Variants in TMEM132D observed in about 807,000 individuals in gnomAD.
TMEM132D encodes transmembrane protein 132D, also known as mature OL transmembrane protein.
TMEM132D carries 21 observed loss-of-function variants against 62.3 expected under a neutral mutation model. The ratio of observed to expected loss-of-function variants is 0.34; its 90% CI spans 0.24 to 0.49. The LOEUF is 0.49. TMEM132D is among the 20% of genes least tolerant of loss of function. The probability of loss-of-function intolerance (pLI) is 0.99; values close to 1 mark genes in which losing one functional copy is unlikely to be tolerated. For synonymous variants in TMEM132D, 621 were observed against 575.6 expected (o/e 1.08, Z -1.13); for missense variants, 1,346 against 1,402.8 (o/e 0.96, Z 0.65).
At chr12:129,876,641 A>G (rs1362870030) in intron 1 of TMEM132D, among the ~76,000 whole-genome samples, 1 of 152,146 alleles carries the variant, frequency 6.6e-6, no homozygotes. Flanking sequence ...AGCCTCAACA[A>G]CGATATCATG....
intron 3 of TMEM132D, among the ~76,000 whole-genome samples, chr12:129,441,500 G>C (rs912196135): frequency 6.6e-6 from 1 of 152,174 alleles, no homozygotes; most frequent in South Asian, 2.1e-4. Context: ...GACTGTTTGC[G>C]GGAGCTGGAG....
intron 1 of TMEM132D, among the ~76,000 whole-genome samples, chr12:129,738,451 T>C (rs1232988250): frequency 2.0e-5 from 3 of 152,112 alleles, no homozygotes; most frequent in Non-Finnish European, 4.4e-5. Flanking sequence ...AGGCTGGTTG[T>C]GTGAATGCAA....
At chr12:129,421,155 G>A (rs1872310811) in intron 3 of TMEM132D, among the ~76,000 whole-genome samples, 1 of 151,960 alleles carries the variant, frequency 6.6e-6, no homozygotes, top group Non-Finnish European at 1.5e-5. Context: ...TAGAGATGGG[G>A]TTTCACCATG....
At chr12:129,735,758 A>G (rs1012931373) in intron 1 of TMEM132D, among the ~76,000 whole-genome samples, 1 of 152,242 alleles carries the variant, frequency 6.6e-6, no homozygotes, top group Non-Finnish European at 1.5e-5. Flanking sequence ...CTTTGAAAAC[A>G]AGGGGTGGTT....
In TMEM132D at chr12:129,390,650, A is replaced by T. The variant is rs1429786433; in HGVS notation, c.1116-52833T>A. 2.0e-5 allele frequency among the ~76,000 whole-genome samples: 3 copies of T among 151,934 alleles called. No homozygotes were observed. In the South Asian group the frequency reaches 6.2e-4, roughly 32 times the overall value. ...CCCTGGTCACCACAAGCCTGCGATT[A>T]CCTCCTATTTGCTGCTTCCAAAGGC... is the stretch of plus-strand genomic sequence containing the variant. On this transcript the variant is annotated intron_variant, in intron 3 of 8. Transcript: ENST00000422113.
chr12:129,225,965 C>G (rs1879470152), intron 4 of TMEM132D, among the ~76,000 whole-genome samples: 1 of 152,114 alleles, frequency 6.6e-6, no homozygotes, highest in Non-Finnish European at 1.5e-5. Context: ...TGAGCACAAG[C>G]CAACAACTCC....
chr12:129,184,267 A>G (rs1253608877), intron 5 of TMEM132D, among the ~76,000 whole-genome samples: 7 of 152,190 alleles, frequency 4.6e-5, no homozygotes, highest in African/African-American at 1.7e-4. Flanking sequence ...TCTCACTGTC[A>G]GAATTCTTTA....
At chr12:129,253,557 G>T (rs11060223) in intron 4 of TMEM132D, among the ~76,000 whole-genome samples, 50,590 of 152,126 alleles carry the variant, frequency 0.33, 10,009 homozygotes, top group Non-Finnish European at 0.45. Flanking sequence ...AACTGTGTCT[G>T]TCCACTGGGC....
At chr12:129,296,827 G>T (rs1881590109) in intron 4 of TMEM132D, among the ~76,000 whole-genome samples, 1 of 152,190 alleles carries the variant, frequency 6.6e-6, no homozygotes, top group South Asian at 2.1e-4. Flanking sequence ...AATCAAGGAG[G>T]CTGGTGTGAG....
chr12:129,478,116 A>G lies in TMEM132D; in HGVS notation c.1115+52943T>C, dbSNP rs1874324153. The stretch of plus-strand genomic sequence containing the variant: ...TGTCTATCTAAACATGTCTAAACAT[A>G]GAAAAGTTACAGTAAAAATATGGTA... On this transcript the variant is annotated intron_variant, in intron 3 of 8. Coordinates refer to ENST00000422113, the MANE Select transcript of TMEM132D (RefSeq NM_133448.3). Among the ~76,000 whole-genome samples, 4 of 152,342 alleles carry G rather than the reference A, an allele frequency of 2.6e-5. No homozygotes were observed. In the South Asian group the frequency reaches 8.3e-4, roughly 32 times the overall value.
rs906012196 is a variant in TMEM132D at position 129,867,375 on chromosome 12, C to T, written c.79+35886G>A. Among the ~76,000 whole-genome samples, 14 of 152,180 alleles carry T rather than the reference C, an allele frequency of 9.2e-5. No homozygotes were observed. The highest frequency in any genetic ancestry group is 3.1e-4 in the African/African-American group (13 of 41,458). ...CACAGAAACCACATGATCTCACTCACATGCAGAATCTAAAAAAGCTAAACT... is the reference window on the plus strand; with the variant it reads ...CACAGAAACCACATGATCTCACTCATATGCAGAATCTAAAAAAGCTAAACT... On this transcript the variant is annotated intron_variant, in intron 1 of 8. Transcript: ENST00000422113. The surrounding 1 kb of genome is among the most constrained non-coding windows in gnomAD (Gnocchi z 4.5).
At chr12:129,268,570 C>T (rs767347758) in intron 4 of TMEM132D, among the ~76,000 whole-genome samples, 15 of 152,216 alleles carry the variant, frequency 9.9e-5, no homozygotes, top group Admixed American at 2.0e-4. Flanking sequence ...AATAGGAACA[C>T]TGTTACACTG....
In TMEM132D at chr12:129,361,973, T is replaced by A. The variant is rs182157468; in HGVS notation, c.1116-24156A>T. Among the ~76,000 whole-genome samples the A allele has an allele frequency of 2.1e-3, 315 of 152,316 alleles. 2 individuals carry two copies. Among genetic ancestry groups the A allele is most frequent in the African/African-American group, 7.0e-3 (292 of 41,566 alleles). On this transcript the variant is annotated intron_variant, in intron 3 of 8. Coordinates refer to ENST00000422113, the MANE Select transcript of TMEM132D (RefSeq NM_133448.3). ...TTACTTTTTCAAAATCAATCAAAATTGAAGGAGCATTCACGATCTTGTTTA... is the reference window on the plus strand; with the variant it reads ...TTACTTTTTCAAAATCAATCAAAATAGAAGGAGCATTCACGATCTTGTTTA...
intron 2 of TMEM132D, among the ~76,000 whole-genome samples, chr12:129,613,563 G>T (rs1011832351): frequency 2.0e-5 from 3 of 152,250 alleles, no homozygotes; most frequent in Non-Finnish European, 2.9e-5. Context: ...CATGACCCCA[G>T]TTTAAACTAT....
At chr12:129,504,003 C>CATG (rs1875250043) in intron 3 of TMEM132D, among the ~76,000 whole-genome samples, 1 of 151,492 alleles carries the variant, frequency 6.6e-6, no homozygotes, top group Non-Finnish European at 1.5e-5. Flanking sequence ...TTATTGTCAT[C>CATG]ATTACTGTCA....
chr12:129,533,740 T>G (rs2137091352), intron 2 of TMEM132D, among the ~76,000 whole-genome samples: 1 of 152,346 alleles, frequency 6.6e-6, no homozygotes, highest in South Asian at 2.1e-4. Flanking sequence ...CTATAGTCGG[T>G]AGCATTATTT....
At chr12:129,755,914 A>T (rs1870153894) in intron 1 of TMEM132D, among the ~76,000 whole-genome samples, 1 of 152,190 alleles carries the variant, frequency 6.6e-6, no homozygotes, top group South Asian at 2.1e-4. Flanking sequence ...AAAATTCCCC[A>T]GTGTAGTTGA....
intron 1 of TMEM132D, among the ~76,000 whole-genome samples, chr12:129,814,048 A>T (rs2137318345): frequency 6.6e-6 from 1 of 152,326 alleles, no homozygotes; most frequent in East Asian, 1.9e-4. Context: ...GAATTCCATC[A>T]TTTGCAGCAA....
intron 1 of TMEM132D, among the ~76,000 whole-genome samples, chr12:129,757,138 C>T (rs141996472): frequency 1.6e-3 from 247 of 151,280 alleles, no homozygotes; most frequent in African/African-American, 5.2e-3. Flanking sequence ...AAGAAGAATG[C>T]TCTCCAATTT....
Sources: allele counts gnomAD v4.1 joint callset (sites outside exome capture counted in the v4.1 genomes callset), GRCh38; gene constraint gnomAD v4.1.1; non-coding constraint Gnocchi (gnomAD v3.1); transcripts MANE v1.5; gene names NCBI Gene and HGNC (gene_info 2026-07-23, HGNC 2026-07-21).